VIL1: variants seen among roughly 807,000 people sequenced by gnomAD.
The protein encoded by VIL1 is villin 1.
VIL1 carries 86 observed loss-of-function variants against 104.0 expected under a neutral mutation model. The observed-to-expected ratio is 0.83, with a 90% confidence interval of 0.69 to 0.99. The LOEUF is 0.99. VIL1 is among the 50% of genes least tolerant of loss of function. The pLI is 0.00. For missense variants in VIL1, 944 were observed against 1,054.1 expected (o/e 0.90, Z 1.45); for synonymous variants, 394 against 412.6 (o/e 0.95, Z 0.55).
In VIL1 at chr2:218,452,255, T is replaced by C. The variant is rs1200481712; in HGVS notation, c.*2919T>C. 7 of 152,224 alleles carry C rather than the reference T, an allele frequency of 4.6e-5. No individual in the cohort carries two copies. The highest frequency in any genetic ancestry group is 7.3e-5 in the Non-Finnish European group (5 of 68,040). 9.4% of individuals were successfully genotyped at this position (152,224 alleles called of 1,614,324 possible). A position where few individuals can be genotyped will look rare whatever the true frequency, so the allele number is the denominator to read the frequency against. ...CAATAGGAAGGTTAATTAGGTATTG[T>C]GCAAACTGCCTGCAACGGAAGCACT... On this transcript the variant is annotated 3_prime_UTR_variant, in exon 20 of 20. Transcript: ENST00000248444.
At position 218,438,514 on chromosome 2, in the gene VIL1, C is replaced by G. The variant is rs954040466; in HGVS notation, c.2161-144C>G. On this transcript the variant is annotated intron_variant, in intron 17 of 19. Coordinates refer to ENST00000248444, the MANE Select transcript of VIL1 (RefSeq NM_007127.3). ...CTAATCTCCTTTTTCAGGGACCCTC[C>G]TCCAGCCTCAGCCTTCATATCCTCT... is the stretch of plus-strand genomic sequence containing the variant. 37 of 723,176 alleles carry G rather than the reference C, an allele frequency of 5.1e-5. No individual in the cohort carries two copies. The Admixed American group carries it at 8.1e-4, about 16-fold the overall frequency. 44.8% of individuals were successfully genotyped at this position (723,176 alleles called of 1,614,324 possible). A position where few individuals can be genotyped will look rare whatever the true frequency, so the allele number is the denominator to read the frequency against.
At chr2:218,427,362 C>T (rs1309012582) in intron 4 of VIL1, among the ~76,000 whole-genome samples, 3 of 149,054 alleles carry the variant, frequency 2.0e-5, no homozygotes, top group African/African-American at 5.0e-5. Context: ...CTCACTCTGT[C>T]GCTTAGGCTA....
At chr2:218,427,386 C>T (rs1002571640) in intron 4 of VIL1, among the ~76,000 whole-genome samples, 2 of 149,686 alleles carry the variant, frequency 1.3e-5, no homozygotes, top group African/African-American at 4.9e-5. Flanking sequence ...TGCAATGGTG[C>T]GATCTCGGCT....
chr2:218,434,744 G>A (rs1367556279), intron 14 of VIL1, 39 bp downstream of exon 14: 4 of 1,562,728 alleles, frequency 2.6e-6, no homozygotes, highest in Non-Finnish European at 3.5e-6. Context: ...TCCGCAAGTG[G>A]GTCCTGGGAG....
intron 19 of VIL1, among the ~76,000 whole-genome samples, chr2:218,448,237 G>C (rs1431163277): frequency 1.3e-5 from 2 of 151,970 alleles, no homozygotes. Context: ...TCCAGCCTGT[G>C]TGACAGAGCA....
intron 13 of VIL1, 141 bp downstream of exon 13, chr2:218,433,092 C>A: frequency 9.6e-7 from 1 of 1,040,836 alleles, no homozygotes; most frequent in Non-Finnish European, 1.4e-6. Context: ...GAGGTTCTAT[C>A]ACCTATGTGG....
chr2:218,438,669 C>G lies in VIL1; in HGVS notation c.2172C>G (p.Ser724=). 1 of 1,612,350 alleles carries G rather than the reference C, an allele frequency of 6.2e-7. No individual in the cohort carries two copies. Among genetic ancestry groups the G allele is most frequent in the Non-Finnish European group, 8.5e-7 (1 of 1,179,578 alleles). ...TACTTTATGTGCAGAACACCAAATC[C>G]TATGAGGACCTGAAGGCGGAGCTTG... ...WDPFKWSNTK[S]YEDLKAELGN... Residue 724 remains serine (S), a synonymous_variant, in exon 18 of 20, where the codon TCC becomes TCG. Coordinates refer to ENST00000248444, the MANE Select transcript of VIL1 (RefSeq NM_007127.3).
chr2:218,441,730 G>A (rs1689288203), intron 19 of VIL1, among the ~76,000 whole-genome samples: 1 of 152,148 alleles, frequency 6.6e-6, no homozygotes, highest in Non-Finnish European at 1.5e-5. Context: ...GCTCATGCCT[G>A]TAATCCCAGC....
At chr2:218,447,080 T>C (rs1689377315) in intron 19 of VIL1, among the ~76,000 whole-genome samples, 3 of 152,126 alleles carry the variant, frequency 2.0e-5, no homozygotes, top group Admixed American at 6.6e-5. Flanking sequence ...TCTTAAACTT[T>C]AGCTGCATCA....
Position 218,424,420 on chromosome 2 carries a change from G to A in VIL1, c.150+69G>A, listed in dbSNP as rs534235485. ...CACTGTGGTGTCAGGGAGGAAACAG[G>A]CTGGGGGCCGTGGGGAGAGTTGGCC... On this transcript the variant is annotated intron_variant, in intron 3 of 19. Coordinates refer to ENST00000248444, the MANE Select transcript of VIL1 (RefSeq NM_007127.3). 1.1e-3 allele frequency: 1,646 copies of A among 1,533,938 alleles called. 3 individuals are homozygous for A. Among genetic ancestry groups the A allele is most frequent in the Non-Finnish European group, 1.4e-3 (1,533 of 1,115,924 alleles).
intron 3 of VIL1, 69 bp downstream of exon 3, chr2:218,424,420 G>GTGGTGTCAAAACCCA: frequency 6.5e-7 from 1 of 1,534,068 alleles, no homozygotes; most frequent in Non-Finnish European, 9.0e-7. Flanking sequence ...GAGGAAACAG[G>GTGGTGTCAAAACCCA]CTGGGGGCCG....
intron 16 of VIL1, 147 bp from the exon 17 acceptor site, chr2:218,436,977 G>T: frequency 1.1e-6 from 1 of 945,194 alleles, no homozygotes; most frequent in Non-Finnish European, 1.6e-6. Context: ...ACAAATTCAA[G>T]GCCAGATGAT....
Position 218,450,562 on chromosome 2 carries a change from T to G in VIL1, c.*1226T>G, listed in dbSNP as rs757482622. On this transcript the variant is annotated 3_prime_UTR_variant, in exon 20 of 20. Transcript: ENST00000248444. ...AAGTTTAAAGAAACAACAATGACAATAGGCCAGAGAAGTTAGGGAGGGAAA... is the reference window on the plus strand; with the variant it reads ...AAGTTTAAAGAAACAACAATGACAAGAGGCCAGAGAAGTTAGGGAGGGAAA... 1 of 152,558 alleles carries G rather than the reference T, an allele frequency of 6.6e-6. No individual in the cohort carries two copies. The highest frequency in any genetic ancestry group is 1.5e-5 in the Non-Finnish European group (1 of 68,040). 9.5% of individuals were successfully genotyped at this position (152,558 alleles called of 1,614,324 possible).
chr2:218,443,827 G>T (rs768743387), intron 19 of VIL1, among the ~76,000 whole-genome samples: 1 of 151,914 alleles, frequency 6.6e-6, no homozygotes, highest in Non-Finnish European at 1.5e-5. Flanking sequence ...GCTAATTTTT[G>T]TATTTTTAGT....
At chr2:218,435,492 T>C (rs1262735151) in intron 15 of VIL1, 58 bp downstream of exon 15, 12 of 1,582,902 alleles carry the variant, frequency 7.6e-6, no homozygotes, top group Admixed American at 5.3e-5. Flanking sequence ...GCCCAGCATC[T>C]CCATCCCTAC....
At chr2:218,431,749 CCT>C in intron 10 of VIL1, 106 bp from the exon 11 acceptor site, 2 of 929,688 alleles carry the variant, frequency 2.2e-6, no homozygotes, top group Non-Finnish European at 3.4e-6. Flanking sequence ...GCCTCGGTTT[CCT>C]CATCTGAAAA....
Position 218,430,763 on chromosome 2 carries a change from G to A in VIL1, c.987G>A (p.Gln329=), listed in dbSNP as rs1689080485. Residue 329 remains glutamine, a synonymous_variant, in exon 10 of 20, where the codon CAG becomes CAA. Coordinates refer to ENST00000248444, the MANE Select transcript of VIL1 (RefSeq NM_007127.3). ...IKAKQYPPST[Q]VEVQNDGAES... is the part of the protein sequence containing the mutation. ...CCAAGCAGTACCCACCAAGCACACAGGTGGAGGTGCAGAATGATGGGGCTG... is the reference window on the plus strand; with the variant it reads ...CCAAGCAGTACCCACCAAGCACACAAGTGGAGGTGCAGAATGATGGGGCTG... The A allele has an allele frequency of 1.2e-6, 2 of 1,612,026 alleles. No homozygotes were observed. The highest frequency in any genetic ancestry group is 3.3e-5 in the Admixed American group (2 of 59,744).
At chr2:218,437,097 G>A (rs1478815720) in intron 16 of VIL1, 27 bp from the exon 17 acceptor site, 6 of 1,606,764 alleles carry the variant, frequency 3.7e-6, no homozygotes, top group African/African-American at 1.3e-5. Context: ...CAGGAAGGAT[G>A]GACTGATCCC....
intron 19 of VIL1, among the ~76,000 whole-genome samples, chr2:218,447,172 C>T (rs1228020944): frequency 1.3e-5 from 2 of 152,202 alleles, no homozygotes; most frequent in Admixed American, 6.5e-5. Context: ...TCCTGCTTTG[C>T]TCCATCCATT....
Sources: allele counts gnomAD v4.1 joint callset (sites outside exome capture counted in the v4.1 genomes callset), GRCh38; gene constraint gnomAD v4.1.1; transcripts MANE v1.5; gene names NCBI Gene and HGNC (gene_info 2026-07-23, HGNC 2026-07-21).